The following PTPN2 variants were observed in gnomAD, a reference collection of about 807,000 sequenced individuals.
PTPN2 encodes the protein protein tyrosine phosphatase non-receptor type 2.
Under a neutral mutation model 57.3 loss-of-function variants are expected in PTPN2, and 19 were observed. The observed-to-expected ratio is 0.33, with a 90% CI of 0.23 to 0.49. The LOEUF (loss-of-function observed/expected upper bound fraction) is 0.49. Ranked by LOEUF, PTPN2 falls within the 20% of genes least tolerant of loss-of-function variation. PTPN2 has a pLI of 0.99. For missense variants in PTPN2, 358 were observed against 501.1 expected (o/e 0.71, Z 2.73); for synonymous variants, 153 against 164.9 (o/e 0.93, Z 0.55).
chr18:12,811,251 T>C (rs1272129967), intron 7 of PTPN2, among the ~76,000 whole-genome samples: 1 of 152,158 alleles, frequency 6.6e-6, no homozygotes, highest in Non-Finnish European at 1.5e-5. Flanking sequence ...TAAAGATGTG[T>C]GTTCAACAAA....
intron 4 of PTPN2, among the ~76,000 whole-genome samples, chr18:12,828,660 T>C (rs2042560933): frequency 6.6e-6 from 1 of 152,204 alleles, no homozygotes; most frequent in South Asian, 2.1e-4. Context: ...GGGAATATCA[T>C]TATGAACTCT....
chr18:12,818,020 T>TAG (rs2042137581), intron 5 of PTPN2, among the ~76,000 whole-genome samples: 1 of 152,160 alleles, frequency 6.6e-6, no homozygotes, highest in East Asian at 1.9e-4. Flanking sequence ...CGCGTGCCTG[T>TAG]AATCTCAGCT....
chr18:12,839,050 C>T (rs374174319), intron 2 of PTPN2, among the ~76,000 whole-genome samples: 1 of 151,558 alleles, frequency 6.6e-6, no homozygotes, highest in East Asian at 1.9e-4. Flanking sequence ...TTCGAAGAGG[C>T]AGTAGAGAAA....
chr18:12,878,041 G>A (rs1011096611), intron 1 of PTPN2, among the ~76,000 whole-genome samples: 1 of 144,962 alleles, frequency 6.9e-6, no homozygotes, highest in African/African-American at 2.6e-5. Flanking sequence ...AAAAGAAAAA[G>A]AAAAAAGAAA....
At position 12,793,550 on chromosome 18, in the gene PTPN2, G is replaced by T; in HGVS notation, c.*728C>A. 1.0e-6 allele frequency: 1 copy of T among 980,140 alleles called. No individual in the cohort carries two copies. The highest frequency in any genetic ancestry group is 1.2e-6 in the Non-Finnish European group (1 of 824,664). The allele number at this position is 980,140 out of a possible 1,614,324, so 60.7% of individuals were successfully genotyped here. On this transcript the variant is annotated 3_prime_UTR_variant, in exon 9 of 9. Coordinates refer to ENST00000309660, the MANE Select transcript of PTPN2 (RefSeq NM_002828.4). ...AGGAAAAACTTTTGTTTCTTTGTTT[G>T]CTTTTCTTTTTAAAATGGGGAAAAC...
intron 2 of PTPN2, among the ~76,000 whole-genome samples, chr18:12,838,504 C>A (rs1296461838): frequency 6.6e-6 from 1 of 152,208 alleles, no homozygotes; most frequent in African/African-American, 2.4e-5. Context: ...TACCTCAATG[C>A]TCTATAAGCA....
intron 2 of PTPN2, among the ~76,000 whole-genome samples, chr18:12,844,482 G>A (rs1334038918): frequency 6.6e-6 from 1 of 152,212 alleles, no homozygotes; most frequent in Non-Finnish European, 1.5e-5. Flanking sequence ...GGCGTCTAGT[G>A]ACATCCCACC....
intron 7 of PTPN2, among the ~76,000 whole-genome samples, chr18:12,811,425 A>G (rs760421740): frequency 5.9e-5 from 9 of 152,162 alleles, no homozygotes; most frequent in Non-Finnish European, 1.3e-4. Flanking sequence ...TCACTGGACC[A>G]CTTCCCAGAA....
intron 4 of PTPN2, among the ~76,000 whole-genome samples, chr18:12,826,975 T>C (rs1377791870): frequency 1.3e-5 from 2 of 152,256 alleles, no homozygotes; most frequent in East Asian, 3.8e-4. Context: ...CATGATTACC[T>C]ATATTTTAAC....
Position 12,879,973 on chromosome 18 carries a change from G to A in PTPN2, c.69+4100C>T, listed in dbSNP as rs148192590. Among the ~76,000 whole-genome samples the A allele has an allele frequency of 6.4e-4, 97 of 152,302 alleles. No homozygotes were observed. In the East Asian group the frequency reaches 0.017, roughly 27 times the overall value. ...CAAGCTGTGTTACTTTCAAGATAGT[G>A]GTTTGCTTAATGCAAATTGTGTTCC... On this transcript the variant is annotated intron_variant, in intron 1 of 8. Transcript: ENST00000309660.
Position 12,870,349 on chromosome 18 carries a change from ATGTGTATATATATGTG to A in PTPN2, c.70-11111_70-11096del, listed in dbSNP as rs1316055219. Among the ~76,000 whole-genome samples, 7 of 49,604 alleles carry A rather than the reference ATGTGTATATATATGTG, an allele frequency of 1.4e-4. 2 individuals are homozygous for A. The highest frequency in any genetic ancestry group is 7.6e-4 in the African/African-American group (6 of 7,888). The allele number at this position is 49,604 out of a possible 152,430, so 32.5% of individuals were successfully genotyped here. A position where few individuals can be genotyped will look rare whatever the true frequency, so the allele number is the denominator to read the frequency against. Reference sequence around the variant, plus strand: ...TATATATGTATATATATACATATATATGTGTATATATATGTGTATATATACATATATATACGTATAT... The same window carrying A: ...TATATATGTATATATATACATATATATATATATACATATATATACGTATAT... On this transcript the variant is annotated intron_variant, in intron 1 of 8. Transcript: ENST00000309660.
intron 7 of PTPN2, 127 bp downstream of exon 7, chr18:12,814,076 G>C (rs1356956753): frequency 1.3e-6 from 1 of 760,072 alleles, no homozygotes; most frequent in Non-Finnish European, 2.0e-6. Context: ...AAGACAGCCA[G>C]CTGGATTTAC....
intron 4 of PTPN2, among the ~76,000 whole-genome samples, chr18:12,827,081 C>T (rs1262774765): frequency 3.9e-5 from 6 of 152,008 alleles, no homozygotes; most frequent in African/African-American, 9.7e-5. Flanking sequence ...CGGTGGCTCA[C>T]GCCTGTAATC....
At chr18:12,832,537 T>C (rs1765511573) in intron 3 of PTPN2, among the ~76,000 whole-genome samples, 2 of 152,232 alleles carry the variant, frequency 1.3e-5, no homozygotes, top group Admixed American at 6.5e-5. Context: ...CTGAGGATCC[T>C]GACAAACTAC....
chr18:12,823,035 C>T (rs2042325261), intron 5 of PTPN2, among the ~76,000 whole-genome samples: 1 of 152,178 alleles, frequency 6.6e-6, no homozygotes, highest in Non-Finnish European at 1.5e-5. Flanking sequence ...AGGATTTAAA[C>T]TTGGGCTATC....
intron 7 of PTPN2, among the ~76,000 whole-genome samples, chr18:12,810,724 G>C (rs919768024): frequency 6.6e-6 from 1 of 152,198 alleles, no homozygotes; most frequent in African/African-American, 2.4e-5. Flanking sequence ...TCTAGAGGAT[G>C]GAAAACACGC....
At chr18:12,814,152 GCTAT>G in intron 7 of PTPN2, 47 bp downstream of exon 7, 2 of 1,307,694 alleles carry the variant, frequency 1.5e-6, no homozygotes, top group South Asian at 2.6e-5. Flanking sequence ...GTTATTTGAT[GCTAT>G]GTGTATTTAA....
intron 2 of PTPN2, chr18:12,840,888 A>G: frequency 6.4e-7 from 1 of 1,561,724 alleles, no homozygotes; most frequent in South Asian, 1.2e-5. Flanking sequence ...GATGCAGTCC[A>G]TGACATATCT....
At chr18:12,826,581 T>A (rs2042468327) in intron 4 of PTPN2, among the ~76,000 whole-genome samples, 3 of 152,136 alleles carry the variant, frequency 2.0e-5, no homozygotes, top group African/African-American at 4.8e-5. Context: ...GCTTTTCTTT[T>A]CTTTTGAGCT....
Sources: gnomAD v4.1 joint callset for allele counts (sites outside exome capture counted in the v4.1 genomes callset) on GRCh38, gnomAD v4.1.1 for gene constraint, MANE v1.5 for transcripts, NCBI Gene and HGNC (gene_info 2026-07-23, HGNC 2026-07-21) for gene names.